STXBP6: variants seen among roughly 807,000 people sequenced by gnomAD.
STXBP6 encodes the protein syntaxin binding protein 6, also known as syntaxin-binding protein 6.
Under a neutral mutation model 26.9 loss-of-function variants are expected in STXBP6, and 21 were observed. The observed-to-expected ratio is 0.78, with a 90% CI of 0.55 to 1.12. STXBP6 has a LOEUF of 1.12. Among genes scored for constraint, STXBP6 ranks in the 50% most tolerant of loss-of-function variants. STXBP6 has a pLI of 0.00. For missense variants in STXBP6, 232 were observed against 257.9 expected, an observed-to-expected ratio of 0.90 and a Z score of 0.69; for synonymous variants, 97 against 92.6, an observed-to-expected ratio of 1.05 and a Z score of -0.27.
intron 4 of STXBP6, among the ~76,000 whole-genome samples, chr14:24,829,146 A>T (rs1314045376): frequency 6.6e-6 from 1 of 152,202 alleles, no homozygotes; most frequent in Non-Finnish European, 1.5e-5. Flanking sequence ...CACTTTGATT[A>T]AAGTTGAAAG....
intron 2 of STXBP6, among the ~76,000 whole-genome samples, chr14:24,923,256 C>A (rs1009040395): frequency 6.6e-6 from 1 of 152,036 alleles, no homozygotes; most frequent in Non-Finnish European, 1.5e-5. Flanking sequence ...GGAAATATAT[C>A]CTCCTGCAAC....
chr14:24,922,659 T>G (rs968888973), intron 2 of STXBP6, among the ~76,000 whole-genome samples: 1 of 152,094 alleles, frequency 6.6e-6, no homozygotes, highest in African/African-American at 2.4e-5. Flanking sequence ...GGTAAATGCA[T>G]CCTTCTACTT....
chr14:24,902,972 A>G (rs1305238770), intron 2 of STXBP6, among the ~76,000 whole-genome samples: 1 of 152,194 alleles, frequency 6.6e-6, no homozygotes, highest in Non-Finnish European at 1.5e-5. Context: ...ATTTTGCAAT[A>G]TATTTATCTT....
At chr14:24,858,528 T>C (rs541607524) in intron 2 of STXBP6, among the ~76,000 whole-genome samples, 1 of 152,258 alleles carries the variant, frequency 6.6e-6, no homozygotes, top group East Asian at 1.9e-4. Flanking sequence ...TTCATACCAA[T>C]TACATTTACT....
chr14:24,974,861 A>C lies in STXBP6; in HGVS notation c.-32-11T>G, dbSNP rs1223789463. 1 of 1,499,344 alleles carries C rather than the reference A, an allele frequency of 6.7e-7. No homozygotes were observed. The highest frequency in any genetic ancestry group is 1.4e-5 in the African/African-American group (1 of 72,088). 92.9% of individuals were successfully genotyped at this position (1,499,344 alleles called of 1,614,324 possible). A position where few individuals can be genotyped will look rare whatever the true frequency, so the allele number is the denominator to read the frequency against. The stretch of plus-strand genomic sequence containing the variant: ...CAGCACGCAGTGAATCTTTTAAAGA[A>C]GGAAAAGAAAGGAAAGTTGGAATTG... On this transcript the variant is annotated splice_polypyrimidine_tract_variant and intron_variant, in intron 1 of 5. Coordinates refer to ENST00000323944, the MANE Select transcript of STXBP6 (RefSeq NM_001394410.1).
At chr14:24,897,409 CAA>C (rs34542483) in intron 2 of STXBP6, among the ~76,000 whole-genome samples, 22 of 37,618 alleles carry the variant, frequency 5.8e-4, no homozygotes, top group Admixed American at 8.7e-4. Flanking sequence ...GACTCTGTCT[CAA>C]AAAAAAAAAA....
intron 1 of STXBP6, among the ~76,000 whole-genome samples, chr14:25,012,395 G>A (rs534244612): frequency 3.2e-4 from 49 of 152,240 alleles, no homozygotes; most frequent in African/African-American, 1.1e-3. Context: ...TTGGGAGGCC[G>A]AGGTGGGGGT....
At chr14:24,844,113 G>A (rs2068868029) in intron 4 of STXBP6, among the ~76,000 whole-genome samples, 2 of 152,172 alleles carry the variant, frequency 1.3e-5, no homozygotes, top group African/African-American at 4.8e-5. Flanking sequence ...AACCCCAGTA[G>A]AAGCCCCTAA....
At chr14:24,928,545 T>G (rs1281648773) in intron 2 of STXBP6, among the ~76,000 whole-genome samples, 1 of 152,202 alleles carries the variant, frequency 6.6e-6, no homozygotes, top group African/African-American at 2.4e-5. Context: ...TGAAAACAAA[T>G]TAGAATTGGA....
At chr14:24,945,614 C>G (rs1053566582) in intron 2 of STXBP6, among the ~76,000 whole-genome samples, 4 of 151,930 alleles carry the variant, frequency 2.6e-5, no homozygotes, top group Non-Finnish European at 5.9e-5. Flanking sequence ...CCCCTACAAA[C>G]AAGGCAAATT....
intron 2 of STXBP6, among the ~76,000 whole-genome samples, chr14:24,905,670 T>C (rs1307899247): frequency 6.6e-6 from 1 of 152,216 alleles, no homozygotes; most frequent in African/African-American, 2.4e-5. Context: ...TGTACAATCC[T>C]CTCTAAGCTG....
intron 2 of STXBP6, among the ~76,000 whole-genome samples, chr14:24,916,821 T>G (rs58423583): frequency 0.12 from 17,721 of 152,088 alleles, 1,085 homozygotes; most frequent in East Asian, 0.17. Flanking sequence ...AAAATCAGCA[T>G]TTCAATAAAA....
intron 4 of STXBP6, among the ~76,000 whole-genome samples, chr14:24,823,040 T>C (rs2068183405): frequency 6.6e-6 from 1 of 152,190 alleles, no homozygotes. Context: ...CCAAATTTAT[T>C]CAAGCAGTCT....
chr14:25,030,255 G>A (rs1199205092), intron 1 of STXBP6, among the ~76,000 whole-genome samples: 1 of 152,178 alleles, frequency 6.6e-6, no homozygotes. Flanking sequence ...TTCCATGCCT[G>A]TCTGCTCACA....
intron 2 of STXBP6, among the ~76,000 whole-genome samples, chr14:24,920,147 A>G (rs574019230): frequency 6.6e-6 from 1 of 152,182 alleles, no homozygotes; most frequent in East Asian, 1.9e-4. Context: ...CTTGAAACTC[A>G]CCAGTGTACT....
At chr14:24,931,134 A>AAAACAAAAAAACAAAAAC (rs1566486282) in intron 2 of STXBP6, among the ~76,000 whole-genome samples, 18 of 118,006 alleles carry the variant, frequency 1.5e-4, no homozygotes, top group African/African-American at 3.4e-4. Context: ...AAAAAAAAAA[A>AAAACAAAAAAACAAAAAC]AAAAAAAACC....
chr14:24,890,198 C>G (rs1367806638), intron 2 of STXBP6, among the ~76,000 whole-genome samples: 1 of 152,234 alleles, frequency 6.6e-6, no homozygotes, highest in Non-Finnish European at 1.5e-5. Flanking sequence ...GAGTAAAAAG[C>G]TTCCATGGCC....
At chr14:24,936,759 T>G in intron 2 of STXBP6, among the ~76,000 whole-genome samples, 1 of 152,248 alleles carries the variant, frequency 6.6e-6, no homozygotes, top group East Asian at 1.9e-4. Context: ...ATTACCATTC[T>G]AACTGGCGTG....
chr14:24,886,049 G>A (rs1160841378), intron 2 of STXBP6, among the ~76,000 whole-genome samples: 1 of 152,076 alleles, frequency 6.6e-6, no homozygotes, highest in Non-Finnish European at 1.5e-5. Context: ...GTCTCCTTAC[G>A]CAGTTGGTTA....
Sources: allele counts gnomAD v4.1 joint callset (sites outside exome capture counted in the v4.1 genomes callset), GRCh38; gene constraint gnomAD v4.1.1; transcripts MANE v1.5; gene names NCBI Gene and HGNC (gene_info 2026-07-23, HGNC 2026-07-21).